DDR2: variants seen among roughly 807,000 people sequenced by gnomAD.
DDR2 encodes the protein discoidin domain-containing receptor 2.
In DDR2, 27 loss-of-function variants were observed where a neutral mutation model predicts 94.9. The observed-to-expected ratio is 0.28, with a 90% confidence interval of 0.21 to 0.39. The LOEUF is 0.39. DDR2 is among the 10% of genes least tolerant of loss of function. The pLI, the probability that DDR2 is intolerant of heterozygous loss-of-function variation, is 1.00. For missense variants in DDR2, 783 were observed against 1,076.0 expected, an observed-to-expected ratio of 0.73 and a Z score of 3.81; for synonymous variants, 382 against 377.2, an observed-to-expected ratio of 1.01 and a Z score of -0.15.
chr1:162,668,724 A>C (rs1380795354), intron 2 of DDR2, among the ~76,000 whole-genome samples: 2 of 152,114 alleles, frequency 1.3e-5, no homozygotes, highest in Non-Finnish European at 2.9e-5. Context: ...ACCTCATTTT[A>C]ACTTGGTAAC....
intron 2 of DDR2, among the ~76,000 whole-genome samples, chr1:162,682,034 C>G (rs10799865): frequency 0.64 from 97,298 of 152,020 alleles, 33,064 homozygotes; most frequent in Middle Eastern, 0.81. Flanking sequence ...GAGTTATAAC[C>G]TCATGAAGTC....
At chr1:162,766,167 C>CAGTT in intron 10 of DDR2, 104 bp downstream of exon 10, 1 of 1,262,616 alleles carries the variant, frequency 7.9e-7, no homozygotes, top group Non-Finnish European at 1.2e-6. Context: ...GGCTTTACAC[C>CAGTT]AGTTGGCTTT....
chr1:162,696,162 G>C (rs543465786), intron 2 of DDR2, among the ~76,000 whole-genome samples: 1 of 150,716 alleles, frequency 6.6e-6, no homozygotes, highest in South Asian at 2.1e-4. Flanking sequence ...TCTTCTGACC[G>C]ACAGAAGACA....
chr1:162,684,617 A>G (rs1439332249), intron 2 of DDR2, among the ~76,000 whole-genome samples: 5 of 152,150 alleles, frequency 3.3e-5, no homozygotes, highest in Admixed American at 3.3e-4. Context: ...AAGAGATTTT[A>G]CAGCAATTTA....
intron 3 of DDR2, among the ~76,000 whole-genome samples, chr1:162,729,970 C>T (rs1474040912): frequency 4.0e-5 from 6 of 149,846 alleles, no homozygotes; most frequent in Admixed American, 2.7e-4. Context: ...CTCGAACTCC[C>T]GACCTCAGGT....
Position 162,770,446 on chromosome 1 carries a change from G to A in DDR2, c.1438G>A (p.Asp480Asn). The A allele has an allele frequency of 6.2e-7, 1 of 1,614,062 alleles. No individual in the cohort carries two copies. The part of the protein sequence containing the change: ...TYDRIFPLRP[D>N]YQEPSRLIRK... ...CGATCGCATCTTTCCCCTTCGCCCT[G>A]ACTACCAGGAGCCATCCAGGCTGAT... The change falls in exon 12 of 18, where the codon GAC becomes AAC. Residue 480 changes from aspartate (D) to asparagine (N), a missense_variant. This residue lies in a region of DDR2 where 519 missense variants were observed against 647.9 expected (regional missense o/e 0.80). Coordinates refer to ENST00000367921, the MANE Select transcript of DDR2 (RefSeq NM_006182.4).
At chr1:162,672,190 A>C (rs4657220) in intron 2 of DDR2, among the ~76,000 whole-genome samples, 137,916 of 152,226 alleles carry the variant, frequency 0.91, 62,968 homozygotes, top group East Asian at 1. Context: ...TGGTAACTGG[A>C]AAATTATTAA....
chr1:162,727,406 A>G (rs1276444758), intron 3 of DDR2, among the ~76,000 whole-genome samples: 1 of 144,966 alleles, frequency 6.9e-6, no homozygotes, highest in Non-Finnish European at 1.5e-5. Context: ...ATGTGTGTAT[A>G]TTTATGTAAG....
At chr1:162,755,494 A>C (rs957135641) in intron 6 of DDR2, among the ~76,000 whole-genome samples, 170 bp from the exon 7 acceptor site, 1 of 152,170 alleles carries the variant, frequency 6.6e-6, no homozygotes, top group African/African-American at 2.4e-5. Flanking sequence ...ATGCATTCAG[A>C]GTCATTACGT....
Position 162,786,904 on chromosome 1 carries a change from C to T in DDR2, c.*6658C>T, listed in dbSNP as rs1571336913. 6.6e-6 allele frequency: 1 copy of T among 152,314 alleles called. No homozygotes were observed. The highest frequency in any genetic ancestry group is 1.9e-4 in the East Asian group (1 of 5,190). The allele number at this position is 152,314 out of a possible 1,614,324, so 9.4% of individuals were successfully genotyped here. On this transcript the variant is annotated 3_prime_UTR_variant, in exon 18 of 18. Transcript: ENST00000367921. ...GATCCCTTATCGTTATGGTTACAGA[C>T]TTGTCTTGTTTGATACACAGAAATC...
chr1:162,783,989 A>G lies in DDR2; in HGVS notation c.*3743A>G, dbSNP rs1648038390. On this transcript the variant is annotated 3_prime_UTR_variant, in exon 18 of 18. Transcript: ENST00000367921. ...TCTATTATCTTTCATCTGCCAATAA[A>G]GTTCATTTTCAATAATGTCCACCAT... 6.6e-6 allele frequency: 1 copy of G among 152,236 alleles called. No individual in the cohort carries two copies. Among genetic ancestry groups the G allele is most frequent in the Non-Finnish European group, 1.5e-5 (1 of 68,040 alleles). 9.4% of individuals were successfully genotyped at this position (152,236 alleles called of 1,614,324 possible).
rs1457634034 is a variant in DDR2 at position 162,719,034 on chromosome 1, C to T, written c.-27-3C>T. The stretch of plus-strand genomic sequence containing the variant: ...GTTTTCTTGCATTATTGGTTGGTGG[C>T]AGACTCCAGTTCCAACACCATCTTC... On this transcript the variant is annotated splice_polypyrimidine_tract_variant and splice_region_variant and intron_variant, in intron 2 of 17. Coordinates refer to ENST00000367921, the MANE Select transcript of DDR2 (RefSeq NM_006182.4). 6.2e-7 allele frequency: 1 copy of T among 1,613,426 alleles called. No individual in the cohort carries two copies. The highest frequency in any genetic ancestry group is 8.5e-7 in the Non-Finnish European group (1 of 1,179,504).
chr1:162,726,838 G>T (rs1661691482), intron 3 of DDR2, among the ~76,000 whole-genome samples: 4 of 151,980 alleles, frequency 2.6e-5, no homozygotes, highest in Admixed American at 2.6e-4. Context: ...GCGCACTGGG[G>T]CCATTAGGTC....
Position 162,778,561 on chromosome 1 carries a change from C to A in DDR2, c.2284-19C>A, listed in dbSNP as rs757718819. ...GCACAGGTTATTCTGATTTCCCATTCTTTTCTTTACTTAAATAGGGCAAGT... is the reference window on the plus strand; with the variant it reads ...GCACAGGTTATTCTGATTTCCCATTATTTTCTTTACTTAAATAGGGCAAGT... On this transcript the variant is annotated intron_variant, in intron 16 of 17. Transcript: ENST00000367921. 1 of 1,613,852 alleles carries A rather than the reference C, an allele frequency of 6.2e-7. No homozygotes were observed. The highest frequency in any genetic ancestry group is 8.5e-7 in the Non-Finnish European group (1 of 1,179,812).
chr1:162,668,616 G>A (rs1240989878), intron 2 of DDR2, among the ~76,000 whole-genome samples: 3 of 152,048 alleles, frequency 2.0e-5, no homozygotes, highest in African/African-American at 7.2e-5. Flanking sequence ...CATTGTGTAT[G>A]TCTCTCTGTC....
chr1:162,730,807 T>C (rs1218194472), intron 3 of DDR2, among the ~76,000 whole-genome samples: 24 of 152,062 alleles, frequency 1.6e-4, no homozygotes, highest in Non-Finnish European at 7.4e-5. Context: ...CTCCTTACAT[T>C]CCCCCTCCAC....
At chr1:162,710,787 C>CAG (rs1660874035) in intron 2 of DDR2, among the ~76,000 whole-genome samples, 1 of 151,710 alleles carries the variant, frequency 6.6e-6, no homozygotes, top group African/African-American at 2.4e-5. Context: ...CACACACACA[C>CAG]AAACATTGTA....
chr1:162,668,636 G>A (rs1460818170), intron 2 of DDR2, among the ~76,000 whole-genome samples: 6 of 151,938 alleles, frequency 3.9e-5, no homozygotes, highest in South Asian at 2.1e-4. Flanking sequence ...CTTTGTGTCC[G>A]TCTCTCTGTC....
intron 3 of DDR2, among the ~76,000 whole-genome samples, chr1:162,746,146 A>T (rs975555372): frequency 1.3e-5 from 2 of 152,154 alleles, no homozygotes; most frequent in Admixed American, 6.5e-5. Flanking sequence ...CAGCCCACAG[A>T]GTGTGAGCTG....
Sources: gnomAD v4.1 joint callset for allele counts (sites outside exome capture counted in the v4.1 genomes callset) on GRCh38, gnomAD v4.1.1 for gene constraint, gnomAD v4.1.1 regional missense constraint, MANE v1.5 for transcripts, NCBI Gene and HGNC (gene_info 2026-07-23, HGNC 2026-07-21) for gene names.